ZMAT4: variants seen among roughly 807,000 people sequenced by gnomAD.
ZMAT4 encodes zinc finger matrin-type protein 4.
In ZMAT4, 17 loss-of-function variants were observed where a neutral mutation model predicts 28.7. That is an observed-to-expected ratio of 0.59 (90% confidence interval 0.41 to 0.89). The LOEUF is 0.89. ZMAT4 is among the 40% of genes least tolerant of loss of function. ZMAT4 has a pLI of 0.00. For synonymous variants in ZMAT4, 117 were observed against 109.2 expected (o/e 1.07, Z -0.44); for missense variants, 240 against 283.8 (o/e 0.85, Z 1.11).
chr8:40,594,824 A>C (rs999339335), intron 5 of ZMAT4, among the ~76,000 whole-genome samples: 1 of 152,172 alleles, frequency 6.6e-6, no homozygotes, highest in Non-Finnish European at 1.5e-5. Context: ...ATCTTTTTTG[A>C]CAGGTCAAAT....
rs76999806 is a variant in ZMAT4 at position 40,894,776 on chromosome 8, GA to G, written c.-5+2906del. Among the ~76,000 whole-genome samples, 23 of 146,910 alleles carry G rather than the reference GA, an allele frequency of 1.6e-4. 1 individual carries two copies. The highest frequency in any genetic ancestry group is 6.4e-4 in the South Asian group (3 of 4,664). ...CAGGAAGGGAATTCACACATCCACA[GA>G]AAAAAAAAACAAGACATTGTAAAAG... On this transcript the variant is annotated intron_variant, in intron 1 of 6. Coordinates refer to ENST00000297737, the MANE Select transcript of ZMAT4 (RefSeq NM_024645.3).
At chr8:40,706,864 A>G (rs2150503746) in intron 3 of ZMAT4, among the ~76,000 whole-genome samples, 1 of 152,254 alleles carries the variant, frequency 6.6e-6, no homozygotes, top group Admixed American at 6.5e-5. Flanking sequence ...AGTCCCACTG[A>G]AAGGTTTCAC....
At chr8:40,805,784 T>A (rs1160948484) in intron 2 of ZMAT4, among the ~76,000 whole-genome samples, 2 of 104,830 alleles carry the variant, frequency 1.9e-5, no homozygotes, top group African/African-American at 7.6e-5. Context: ...CTCTGGGGAC[T>A]GTTGTGGGGT....
chr8:40,853,294 C>T (rs1014003978), intron 1 of ZMAT4, among the ~76,000 whole-genome samples: 4 of 152,250 alleles, frequency 2.6e-5, no homozygotes, highest in Non-Finnish European at 5.9e-5. Context: ...CAGTGGCTCA[C>T]GCCTGTAATC....
chr8:40,570,485 G>A (rs1156733764), intron 6 of ZMAT4, among the ~76,000 whole-genome samples: 2 of 152,140 alleles, frequency 1.3e-5, no homozygotes, highest in Non-Finnish European at 2.9e-5. Context: ...GATTGCTTGA[G>A]ACAAGGAGTT....
At chr8:40,697,187 A>C in intron 4 of ZMAT4, 58 bp downstream of exon 4, 1 of 1,485,260 alleles carries the variant, frequency 6.7e-7, no homozygotes, top group East Asian at 2.4e-5. Context: ...CATGATCTGC[A>C]AGACAGGCCA....
At chr8:40,776,832 A>T (rs1248019451) in intron 2 of ZMAT4, among the ~76,000 whole-genome samples, 1 of 150,034 alleles carries the variant, frequency 6.7e-6, no homozygotes, top group Non-Finnish European at 1.5e-5. Context: ...CTTCTATAAA[A>T]TTTGTGGCTG....
At chr8:40,750,232 T>C (rs1812401310) in intron 3 of ZMAT4, among the ~76,000 whole-genome samples, 2 of 152,120 alleles carry the variant, frequency 1.3e-5, no homozygotes, top group South Asian at 4.1e-4. Context: ...TCTTAATACA[T>C]GAACCTAAAC....
intron 2 of ZMAT4, among the ~76,000 whole-genome samples, chr8:40,794,964 C>G (rs890886443): frequency 2.6e-5 from 4 of 152,114 alleles, no homozygotes; most frequent in Non-Finnish European, 5.9e-5. Flanking sequence ...GCCCTGGAAG[C>G]TCAGAAGAGG....
intron 5 of ZMAT4, among the ~76,000 whole-genome samples, chr8:40,589,762 T>TTCTTTCTTTCTTTCTTTCTTTCTTTCTC (rs139887440): frequency 3.0e-5 from 1 of 33,444 alleles, no homozygotes; most frequent in Non-Finnish European, 8.2e-5. Flanking sequence ...CTTTCTTTCT[T>TTCTTTCTTTCTTTCTTTCTTTCTTTCTC]TTTCTTTCTT....
rs1472036307 is a variant in ZMAT4 at position 40,530,772 on chromosome 8, G to A, written c.*1451C>T. 4.6e-5 allele frequency: 7 copies of A among 152,724 alleles called. No individual in the cohort carries two copies. In the East Asian group the frequency reaches 7.7e-4, roughly 17 times the overall value. The allele number at this position is 152,724 out of a possible 1,614,324, so 9.5% of individuals were successfully genotyped here. On this transcript the variant is annotated 3_prime_UTR_variant, in exon 7 of 7. Coordinates refer to ENST00000297737, the MANE Select transcript of ZMAT4 (RefSeq NM_024645.3). ...ACCCCCTTTCCTCTTGTAGAGTAGG[G>A]TGTGGCTCGTGGGGCTTCGTCTCTC...
At chr8:40,878,159 G>A (rs1172334266) in intron 1 of ZMAT4, among the ~76,000 whole-genome samples, 3 of 152,150 alleles carry the variant, frequency 2.0e-5, no homozygotes, top group Non-Finnish European at 4.4e-5. Context: ...GCCTCCAAGT[G>A]GCCAGTGGTC....
intron 3 of ZMAT4, among the ~76,000 whole-genome samples, chr8:40,737,922 T>C (rs1811840853): frequency 6.6e-6 from 1 of 151,888 alleles, no homozygotes. Flanking sequence ...CACTTGGTCA[T>C]GTTAGTGATT....
At chr8:40,697,439 C>T in intron 3 of ZMAT4, 38 bp from the exon 4 acceptor site, 1 of 1,464,900 alleles carries the variant, frequency 6.8e-7, no homozygotes, top group South Asian at 1.5e-5. Flanking sequence ...GTGAGAGAAA[C>T]CCATTCCATT....
At chr8:40,732,834 C>CT (rs11461186) in intron 3 of ZMAT4, among the ~76,000 whole-genome samples, 10,768 of 66,954 alleles carry the variant, frequency 0.16, 2,759 homozygotes, top group Non-Finnish European at 0.21. Context: ...GCAAGACCTC[C>CT]TTTTTTTTTT....
chr8:40,845,834 G>GA (rs1816872851), intron 1 of ZMAT4, among the ~76,000 whole-genome samples: 1 of 148,140 alleles, frequency 6.8e-6, no homozygotes, highest in Non-Finnish European at 1.5e-5. Context: ...CAGGGAGGGT[G>GA]AAAAATGTAC....
chr8:40,584,557 C>A (rs1237220816), intron 5 of ZMAT4, among the ~76,000 whole-genome samples: 1 of 152,122 alleles, frequency 6.6e-6, no homozygotes, highest in Non-Finnish European at 1.5e-5. Context: ...GAAACTTGCC[C>A]TAGTTTCTAT....
At chr8:40,628,557 T>A (rs536362198) in intron 5 of ZMAT4, among the ~76,000 whole-genome samples, 1 of 152,254 alleles carries the variant, frequency 6.6e-6, no homozygotes, top group Non-Finnish European at 1.5e-5. Flanking sequence ...ACATGGAGAA[T>A]GGCTATTATG....
At chr8:40,689,424 T>A (rs1238070036) in intron 4 of ZMAT4, among the ~76,000 whole-genome samples, 1 of 152,258 alleles carries the variant, frequency 6.6e-6, no homozygotes, top group Non-Finnish European at 1.5e-5. Context: ...TAAAATGTTA[T>A]GTTAATCGCA....
Sources: gnomAD v4.1 joint callset for allele counts (sites outside exome capture counted in the v4.1 genomes callset) on GRCh38, gnomAD v4.1.1 for gene constraint, MANE v1.5 for transcripts, NCBI Gene and HGNC (gene_info 2026-07-23, HGNC 2026-07-21) for gene names.